The following DENND2A variants were observed in gnomAD, a reference collection of about 807,000 sequenced individuals.
The protein encoded by DENND2A is DENN domain containing 2A.
DENND2A carries 53 observed loss-of-function variants against 105.3 expected under a neutral mutation model. The observed-to-expected ratio is 0.50, with a 90% CI of 0.40 to 0.63. DENND2A has a LOEUF of 0.63. Ranked by LOEUF, DENND2A falls within the 30% of genes least tolerant of loss-of-function variation. DENND2A has a pLI of 0.00. For synonymous variants in DENND2A, 522 were observed against 508.4 expected, an observed-to-expected ratio of 1.03 and a Z score of -0.36; for missense variants, 1,138 against 1,279.6, an observed-to-expected ratio of 0.89 and a Z score of 1.69.
rs1473369415 is a variant in DENND2A at position 140,518,701 on chromosome 7, TGA to T, written c.*4_*5del. On this transcript the variant is annotated 3_prime_UTR_variant, in exon 20 of 20. Coordinates refer to ENST00000496613, the MANE Select transcript of DENND2A (RefSeq NM_015689.5). ...CTAGGAGGAAGTTTTCCCTTGAGGC[TGA>T]GAGTTATTTCTTGTGGAGAAATTTC... 1.2e-6 allele frequency: 2 copies of T among 1,613,460 alleles called. No homozygotes were observed. The highest frequency in any genetic ancestry group is 4.5e-5 in the East Asian group (2 of 44,880).
At chr7:140,556,447 T>C (rs538578340) in intron 11 of DENND2A, among the ~76,000 whole-genome samples, 23 of 152,248 alleles carry the variant, frequency 1.5e-4, no homozygotes, top group Admixed American at 6.5e-4. Flanking sequence ...CAGGAGATTC[T>C]TGTGACTCAG....
At chr7:140,627,208 TTTTAG>T (rs539996732) in intron 1 of DENND2A, among the ~76,000 whole-genome samples, 8 of 152,082 alleles carry the variant, frequency 5.3e-5, no homozygotes, top group Non-Finnish European at 7.3e-5. Context: ...ATTTATTTAT[TTTTAG>T]TTTAGTTTAG....
At chr7:140,618,226 G>A (rs1383974773) in intron 1 of DENND2A, among the ~76,000 whole-genome samples, 3 of 152,070 alleles carry the variant, frequency 2.0e-5, no homozygotes, top group Non-Finnish European at 4.4e-5. Context: ...TGCTAATACA[G>A]GTAAAATATG....
intron 1 of DENND2A, among the ~76,000 whole-genome samples, chr7:140,620,461 AT>A (rs887315214): frequency 2.9e-4 from 43 of 150,238 alleles, no homozygotes; most frequent in Non-Finnish European, 4.0e-4. Flanking sequence ...AGAGACTTTG[AT>A]TTTTTTTTTC....
chr7:140,597,396 T>G (rs989513335), intron 3 of DENND2A, among the ~76,000 whole-genome samples: 1 of 152,240 alleles, frequency 6.6e-6, no homozygotes, highest in Non-Finnish European at 1.5e-5. Flanking sequence ...CAGTCCTTTT[T>G]GTTTTTAAGA....
intron 5 of DENND2A, 97 bp from the exon 6 acceptor site, chr7:140,574,105 A>C (rs1433634989): frequency 1.4e-6 from 2 of 1,392,072 alleles, no homozygotes; most frequent in South Asian, 1.2e-5. Flanking sequence ...GAAATTGAGA[A>C]GAGGAACTGG....
At chr7:140,550,364 T>G (rs1430617399) in intron 12 of DENND2A, among the ~76,000 whole-genome samples, 1 of 152,028 alleles carries the variant, frequency 6.6e-6, no homozygotes, top group Non-Finnish European at 1.5e-5. Context: ...ACTTAATTTT[T>G]TTCTTTTTTT....
intron 1 of DENND2A, among the ~76,000 whole-genome samples, chr7:140,608,010 C>G (rs1799755393): frequency 6.6e-6 from 1 of 152,180 alleles, no homozygotes; most frequent in Non-Finnish European, 1.5e-5. Flanking sequence ...CTCAAGAAAA[C>G]AGTTTCCCTA....
intron 14 of DENND2A, among the ~76,000 whole-genome samples, chr7:140,538,246 G>A (rs368109082): frequency 6.6e-6 from 1 of 152,154 alleles, no homozygotes; most frequent in Non-Finnish European, 1.5e-5. Context: ...AGAGTGCTGC[G>A]GGGGTGGCTA....
At chr7:140,568,054 C>T (rs1193548774) in intron 8 of DENND2A, among the ~76,000 whole-genome samples, 3 of 152,172 alleles carry the variant, frequency 2.0e-5, no homozygotes, top group Non-Finnish European at 4.4e-5. Context: ...GATACTCCTC[C>T]CTCAGCCTCC....
chr7:140,604,568 C>T (rs952942715), intron 2 of DENND2A, among the ~76,000 whole-genome samples: 12 of 152,252 alleles, frequency 7.9e-5, no homozygotes, highest in Non-Finnish European at 1.8e-4. Flanking sequence ...ATGGTCCTTG[C>T]TCTCACAGTG....
At chr7:140,611,443 G>C (rs956029119) in intron 1 of DENND2A, among the ~76,000 whole-genome samples, 5 of 152,146 alleles carry the variant, frequency 3.3e-5, no homozygotes, top group Admixed American at 1.3e-4. Context: ...GGAGGCTTAG[G>C]GGGAGGATCA....
At chr7:140,620,100 G>A (rs868593217) in intron 1 of DENND2A, among the ~76,000 whole-genome samples, 2 of 151,936 alleles carry the variant, frequency 1.3e-5, no homozygotes, top group Non-Finnish European at 2.9e-5. Flanking sequence ...GGAGGCTGAG[G>A]CAGGAGAATC....
chr7:140,579,789 C>T lies in DENND2A; in HGVS notation c.1246-5781G>A, dbSNP rs116829353. On this transcript the variant is annotated intron_variant, in intron 5 of 19. Transcript: ENST00000496613. ...GCAGTGAGTGTTGGGGTTACATGCA[C>T]GTTTTAAGAAGATCTTTAAAATACA... Among the ~76,000 whole-genome samples the T allele has an allele frequency of 6.1e-3, 925 of 152,186 alleles. 6 individuals carry two copies. Among genetic ancestry groups the T allele is most frequent in the African/African-American group, 0.021 (856 of 41,528 alleles).
At chr7:140,628,915 G>A (rs997453489) in intron 1 of DENND2A, among the ~76,000 whole-genome samples, 73 of 152,130 alleles carry the variant, frequency 4.8e-4, no homozygotes, top group African/African-American at 1.7e-3. Context: ...TCAGCAAGCT[G>A]GAGACAGTTC....
intron 16 of DENND2A, among the ~76,000 whole-genome samples, chr7:140,524,868 C>T (rs545010819): frequency 4.1e-4 from 62 of 151,416 alleles, no homozygotes; most frequent in Admixed American, 2.7e-3. Context: ...AAGTGTGCCC[C>T]GGCCAGGGCA....
At chr7:140,595,669 G>A (rs997680300) in intron 3 of DENND2A, among the ~76,000 whole-genome samples, 2 of 152,044 alleles carry the variant, frequency 1.3e-5, no homozygotes, top group Non-Finnish European at 2.9e-5. Context: ...CTCCGGAGGC[G>A]GAGGCAGGAG....
At chr7:140,615,524 G>C (rs1800049725) in intron 1 of DENND2A, among the ~76,000 whole-genome samples, 1 of 150,672 alleles carries the variant, frequency 6.6e-6, no homozygotes, top group Admixed American at 6.7e-5. Flanking sequence ...CCATTTCTAG[G>C]AGTTCTGCTT....
At chr7:140,622,144 T>C (rs561580090) in intron 1 of DENND2A, among the ~76,000 whole-genome samples, 1 of 152,290 alleles carries the variant, frequency 6.6e-6, no homozygotes, top group Admixed American at 6.5e-5. Context: ...ATGCCTGTGA[T>C]CCCAGGTCTT....
Sources: allele counts gnomAD v4.1 joint callset (sites outside exome capture counted in the v4.1 genomes callset), GRCh38; gene constraint gnomAD v4.1.1; transcripts MANE v1.5; gene names NCBI Gene and HGNC (gene_info 2026-07-23, HGNC 2026-07-21).